The following GPATCH2L variants were observed in gnomAD, a reference collection of about 807,000 sequenced individuals.
The protein encoded by GPATCH2L is G-patch domain containing 2 like, also known as G patch domain-containing protein 2-like.
In GPATCH2L, 31 loss-of-function variants were observed where a neutral mutation model predicts 57.4. The ratio of observed to expected loss-of-function variants is 0.54; its 90% CI spans 0.41 to 0.73. GPATCH2L has a LOEUF of 0.73. GPATCH2L is among the 30% of genes least tolerant of loss of function. The pLI is 0.00. For synonymous variants in GPATCH2L, 199 were observed against 210.7 expected, an observed-to-expected ratio of 0.94 and a Z score of 0.48; for missense variants, 481 against 599.9, an observed-to-expected ratio of 0.80 and a Z score of 2.07.
chr14:76,235,474 C>G (rs1229211854), intron 2 of GPATCH2L, among the ~76,000 whole-genome samples: 1 of 152,168 alleles, frequency 6.6e-6, no homozygotes, highest in Non-Finnish European at 1.5e-5. Flanking sequence ...TTTGCTTCTC[C>G]TTTGCCTTCT....
chr14:76,185,426 G>A (rs958146218), intron 8 of GPATCH2L, among the ~76,000 whole-genome samples: 4 of 152,170 alleles, frequency 2.6e-5, no homozygotes, highest in African/African-American at 9.7e-5. Context: ...TGTTGATTGT[G>A]AAGGATAGTT....
At chr14:76,222,091 ACTC>A in intron 1 of GPATCH2L, among the ~76,000 whole-genome samples, 1 of 152,172 alleles carries the variant, frequency 6.6e-6, no homozygotes, top group East Asian at 1.9e-4. Flanking sequence ...AATTCTCTGT[ACTC>A]CTGCTCAATT....
intron 4 of GPATCH2L, 131 bp downstream of exon 4, chr14:76,172,150 T>G (rs1223040003): frequency 1.9e-6 from 1 of 524,176 alleles, no homozygotes; most frequent in Admixed American, 3.8e-5. Flanking sequence ...AGCTCAAGGA[T>G]TTTCTAGAGG....
intron 8 of GPATCH2L, among the ~76,000 whole-genome samples, chr14:76,190,842 G>A (rs941390021): frequency 1.3e-5 from 2 of 152,098 alleles, no homozygotes; most frequent in Non-Finnish European, 2.9e-5. Context: ...GATCTTGATA[G>A]GGACATGTGT....
intron 4 of GPATCH2L, 134 bp from the exon 5 acceptor site, chr14:76,173,412 C>T: frequency 1.7e-6 from 1 of 584,364 alleles, no homozygotes; most frequent in Non-Finnish European, 3.1e-6. Context: ...AAATCCTTGG[C>T]AAATAGCTCT....
At chr14:76,233,492 C>T (rs571394277) in intron 2 of GPATCH2L, among the ~76,000 whole-genome samples, 8 of 152,220 alleles carry the variant, frequency 5.3e-5, no homozygotes, top group South Asian at 4.2e-4. Context: ...GTTGATAGAA[C>T]GGTTTGATGA....
At chr14:76,171,584 A>C (rs532394190) in intron 3 of GPATCH2L, among the ~76,000 whole-genome samples, 23 of 99,224 alleles carry the variant, frequency 2.3e-4, no homozygotes, top group African/African-American at 6.7e-4. Flanking sequence ...ATCCATCCCC[A>C]AAAAAATAAA....
At chr14:76,227,517 G>C (rs2040541255) in intron 1 of GPATCH2L, among the ~76,000 whole-genome samples, 1 of 152,188 alleles carries the variant, frequency 6.6e-6, no homozygotes, top group South Asian at 2.1e-4. Context: ...GAATCCAGGG[G>C]TGTGCAGCAA....
chr14:76,172,014 A>G lies in GPATCH2L; in HGVS notation c.899A>G (p.Gln300Arg). The G allele has an allele frequency of 2.5e-6, 4 of 1,604,556 alleles. No homozygotes were observed. In the South Asian group the frequency reaches 4.5e-5, roughly 18 times the overall value. The stretch of plus-strand genomic sequence containing the variant: ...TTCCTTTTACCTTCTCGGCCAGCTC[A>G]AAGAGGTGAGTTCTGAGGAGACCAA... ...STFLLPSRPA[Q>R]RGYHTRLNRL... Residue 300 changes from glutamine (Q) to arginine (R), a missense_variant, in exon 4 of 10, where the codon CAA (glutamine) becomes CGA (arginine). Coordinates refer to ENST00000261530, the MANE Select transcript of GPATCH2L (RefSeq NM_017926.4).
chr14:76,163,466 C>A (rs1335735353), intron 2 of GPATCH2L, among the ~76,000 whole-genome samples: 1 of 152,046 alleles, frequency 6.6e-6, no homozygotes, highest in African/African-American at 2.4e-5. Context: ...GGATGAATCC[C>A]AGTACAGGAA....
chr14:76,194,117 C>T (rs907787374), intron 8 of GPATCH2L, among the ~76,000 whole-genome samples: 1 of 152,124 alleles, frequency 6.6e-6, no homozygotes, highest in Admixed American at 6.6e-5. Flanking sequence ...TTGATGTTGT[C>T]ACCTGTGTTA....
At position 76,173,239 on chromosome 14, in the gene GPATCH2L, A is replaced by C. The variant is rs1479328744; in HGVS notation, c.905-307A>C. 8.5e-5 allele frequency among the ~76,000 whole-genome samples: 13 copies of C among 152,236 alleles called. No individual in the cohort carries two copies. In the South Asian group the frequency reaches 2.3e-3, roughly 27 times the overall value. On this transcript the variant is annotated intron_variant, in intron 4 of 9. Transcript: ENST00000261530. The stretch of plus-strand genomic sequence containing the variant: ...TACCTTATGTTTGTGTGGTGTTTTC[A>C]GTTTATAAAGTCCCTTCTGCTTGCT...
In GPATCH2L at chr14:76,178,148, C is replaced by T; in HGVS notation, c.1107+106C>T. ...TGCAGCTAATTCCTCTTTGTAGGTT[C>T]AACTGTGATCATTAGTTTCTTGTAG... On this transcript the variant is annotated intron_variant, in intron 7 of 9. Coordinates refer to ENST00000261530, the MANE Select transcript of GPATCH2L (RefSeq NM_017926.4). 4 of 1,271,058 alleles carry T rather than the reference C, an allele frequency of 3.1e-6. No individual in the cohort carries two copies. In the South Asian group the frequency reaches 3.7e-5, roughly 12 times the overall value. The allele number at this position is 1,271,058 out of a possible 1,614,324, so 78.7% of individuals were successfully genotyped here.
chr14:76,185,144 G>A (rs1359746470), intron 8 of GPATCH2L, among the ~76,000 whole-genome samples: 1 of 152,214 alleles, frequency 6.6e-6, no homozygotes, highest in Non-Finnish European at 1.5e-5. Flanking sequence ...GCAGAGTTTT[G>A]TCAGGTGGAT....
chr14:76,167,263 A>G (rs1054185613), intron 3 of GPATCH2L, among the ~76,000 whole-genome samples: 2 of 152,082 alleles, frequency 1.3e-5, no homozygotes, highest in African/African-American at 4.8e-5. Context: ...CCAGTTCTTT[A>G]TTTTTACTAC....
chr14:76,233,924 C>T (rs2040586490), intron 2 of GPATCH2L, among the ~76,000 whole-genome samples: 1 of 151,946 alleles, frequency 6.6e-6, no homozygotes, highest in Non-Finnish European at 1.5e-5. Flanking sequence ...GGCAACATAG[C>T]AAGACCTTCT....
In GPATCH2L at chr14:76,227,289, A is replaced by G. The variant is rs555977782; in HGVS notation, c.66-2519A>G. ...TTCTGATTAGGATACTCACCCTCCT[A>G]CACGATATCACTGGTGTGGTGTTTC... On this transcript the variant is annotated intron_variant and NMD_transcript_variant, in intron 1 of 3. Coordinates refer to the GPATCH2L transcript ENST00000556372. Among the ~76,000 whole-genome samples the G allele has an allele frequency of 3.9e-5, 6 of 152,176 alleles. No individual in the cohort carries two copies. In the South Asian group the frequency reaches 1.2e-3, roughly 32 times the overall value.
At chr14:76,215,831 G>A (rs2139855737), downstream of GPATCH2L, among the ~76,000 whole-genome samples, 1 of 151,214 alleles carries the variant, frequency 6.6e-6, no homozygotes, top group Non-Finnish European at 1.5e-5. Flanking sequence ...ACGAGTTAGT[G>A]GGTGCAGCGC....
chr14:76,177,333 G>T (rs111470628), intron 6 of GPATCH2L, among the ~76,000 whole-genome samples: 2 of 152,176 alleles, frequency 1.3e-5, no homozygotes, highest in East Asian at 3.9e-4. Context: ...GGTGTGAGCC[G>T]CTGCGCCCAA....
Sources: gnomAD v4.1 joint callset for allele counts (sites outside exome capture counted in the v4.1 genomes callset) on GRCh38, gnomAD v4.1.1 for gene constraint, MANE v1.5 for transcripts, NCBI Gene and HGNC (gene_info 2026-07-23, HGNC 2026-07-21) for gene names.